HNF1B: variants seen among roughly 807,000 people sequenced by gnomAD.
The protein encoded by HNF1B is hepatocyte nuclear factor 1-beta.
Under a neutral mutation model 61.7 loss-of-function variants are expected in HNF1B, and 8 were observed. The observed-to-expected ratio is 0.13, with a 90% CI of 0.08 to 0.23. The LOEUF (loss-of-function observed/expected upper bound fraction) is 0.23, where lower values mean the gene tolerates loss of function less well. Among genes scored for constraint, HNF1B ranks in the 10% least tolerant of loss-of-function variants. The pLI, the probability that HNF1B is intolerant of heterozygous loss-of-function variation, is 1.00. For synonymous variants in HNF1B, 314 were observed against 287.7 expected, an observed-to-expected ratio of 1.09 and a Z score of -0.93; for missense variants, 562 against 714.5, an observed-to-expected ratio of 0.79 and a Z score of 2.43.
In HNF1B at chr17:37,687,070, C is replaced by G. The variant is rs544023807; in HGVS notation, c.*302G>C. 1 of 597,748 alleles carries G rather than the reference C, an allele frequency of 1.7e-6. No homozygotes were observed. Among genetic ancestry groups the G allele is most frequent in the Non-Finnish European group, 3.0e-6 (1 of 335,968 alleles). The allele number at this position is 597,748 out of a possible 1,614,324, so 37.0% of individuals were successfully genotyped here. Reference sequence around the variant, plus strand: ...GTTCGATGAAGGATCACAACATAGACAGTACGGCTTTCTTGCTTCCTCTTC... The same window carrying G: ...GTTCGATGAAGGATCACAACATAGAGAGTACGGCTTTCTTGCTTCCTCTTC... On this transcript the variant is annotated 3_prime_UTR_variant, in exon 9 of 9. Coordinates refer to ENST00000617811, the MANE Select transcript of HNF1B (RefSeq NM_000458.4).
intron 4 of HNF1B, among the ~76,000 whole-genome samples, chr17:37,715,214 A>G (rs1428654152): frequency 6.6e-6 from 1 of 151,982 alleles, no homozygotes; most frequent in Admixed American, 6.6e-5. Flanking sequence ...CGCTGATGAT[A>G]TGTTTACTTT....
intron 4 of HNF1B, among the ~76,000 whole-genome samples, chr17:37,710,910 T>C (rs2032914511): frequency 6.6e-6 from 1 of 152,250 alleles, no homozygotes; most frequent in Admixed American, 6.5e-5. Context: ...TTCACTGATG[T>C]ATCCCCAGTG....
intron 5 of HNF1B, 32 bp from the exon 6 acceptor site, chr17:37,705,081 G>A (rs1158398601): frequency 6.2e-7 from 1 of 1,603,084 alleles, no homozygotes. Flanking sequence ...GAGAAACATG[G>A]GTGGACTTGG....
chr17:37,702,774 C>T (rs1251239817), intron 6 of HNF1B, among the ~76,000 whole-genome samples: 2 of 152,196 alleles, frequency 1.3e-5, no homozygotes, highest in African/African-American at 4.8e-5. Context: ...CCACCCAAGA[C>T]CTAATGAGTC....
intron 4 of HNF1B, among the ~76,000 whole-genome samples, chr17:37,720,154 G>C (rs1305069432): frequency 6.6e-6 from 1 of 152,212 alleles, no homozygotes; most frequent in East Asian, 1.9e-4. Context: ...TTTTGTTTCT[G>C]TCTGTCCAGA....
chr17:37,738,145 CAG>C (rs1293879186), intron 2 of HNF1B, among the ~76,000 whole-genome samples: 1 of 152,204 alleles, frequency 6.6e-6, no homozygotes, highest in African/African-American at 2.4e-5. Flanking sequence ...CCAGGAACTA[CAG>C]AGAGTTGCTT....
chr17:37,744,137 G>A (rs2034089552), intron 1 of HNF1B, among the ~76,000 whole-genome samples: 2 of 152,228 alleles, frequency 1.3e-5, no homozygotes, highest in Admixed American at 1.3e-4. Context: ...CAGGGCGCAG[G>A]AAAAATGCGC....
In HNF1B at chr17:37,731,621, C is replaced by T; in HGVS notation, c.1019G>A (p.Ser340Asn). Residue 340 changes from serine (S) to asparagine (N), a missense_variant, in exon 4 of 9, where the codon AGC becomes AAC. This residue lies in a region of HNF1B where 211 missense variants were observed against 200.7 expected (regional missense o/e 1.05). Transcript: ENST00000617811. ...LSHGSPHHQPSSSPPNKLSGV... is the reference protein window; with the variant it reads ...LSHGSPHHQPNSSPPNKLSGV... ...TGACAGCTTGTTTGGAGGAGAGGAG[C>T]TGGGCTGGTGGTGGGGGGAGCCGTG... The T allele has an allele frequency of 1.2e-6, 2 of 1,613,466 alleles. No individual in the cohort carries two copies. The highest frequency in any genetic ancestry group is 1.1e-5 in the South Asian group (1 of 90,984).
intron 5 of HNF1B, among the ~76,000 whole-genome samples, chr17:37,706,695 A>AAT (rs2032761673): frequency 6.6e-6 from 1 of 150,854 alleles, no homozygotes; most frequent in South Asian, 2.1e-4. Flanking sequence ...AAAAAAAAAA[A>AAT]TCCGTAGCCT....
chr17:37,744,101 C>T (rs1157180109), intron 1 of HNF1B, among the ~76,000 whole-genome samples: 1 of 152,242 alleles, frequency 6.6e-6, no homozygotes, highest in Non-Finnish European at 1.5e-5. Flanking sequence ...TGTCCGAGGC[C>T]GACATGCGGC....
rs1411620437 is a variant in HNF1B, at chr17:37,734,347, C to T, written c.545-526G>A. Reference sequence around the variant, plus strand: ...AAAACCCCAAACCTTTTGGAACATGCTTTGAAATAAATATAACTGGAGCTT... The same window carrying T: ...AAAACCCCAAACCTTTTGGAACATGTTTTGAAATAAATATAACTGGAGCTT... On this transcript the variant is annotated intron_variant, in intron 2 of 8. Coordinates refer to ENST00000617811, the MANE Select transcript of HNF1B (RefSeq NM_000458.4). Among the ~76,000 whole-genome samples, 6 of 152,202 alleles carry T rather than the reference C, an allele frequency of 3.9e-5. No homozygotes were observed. The South Asian group carries it at 1.0e-3, about 26-fold the overall frequency.
At chr17:37,689,570 G>A (rs1383761693) in intron 8 of HNF1B, among the ~76,000 whole-genome samples, 2 of 152,244 alleles carry the variant, frequency 1.3e-5, no homozygotes, top group African/African-American at 4.8e-5. Context: ...ACAAACATCT[G>A]ATAAGGGGTG....
At position 37,686,928 on chromosome 17, in the gene HNF1B, T is replaced by G. The variant is rs2688; in HGVS notation, c.*444A>C. The G allele has an allele frequency of 0.41, 137,326 of 334,674 alleles. 28,935 individuals carry two copies. Among genetic ancestry groups the G allele is most frequent in the Admixed American group, 0.5 (11,747 of 23,686 alleles). The allele number at this position is 334,674 out of a possible 1,614,324, so 20.7% of individuals were successfully genotyped here. A position where few individuals can be genotyped will look rare whatever the true frequency, so the allele number is the denominator to read the frequency against. ...TCTTTAAAAGAAATCTCAAGATCAT[T>G]TGGGATGGGGGCAGGGGAGGGAGTC... is the stretch of plus-strand genomic sequence containing the variant. On this transcript the variant is annotated 3_prime_UTR_variant, in exon 9 of 9. Transcript: ENST00000617811.
chr17:37,726,623 G>T (rs1010422702), intron 4 of HNF1B, among the ~76,000 whole-genome samples: 1 of 152,190 alleles, frequency 6.6e-6, no homozygotes, highest in Non-Finnish European at 1.5e-5. Context: ...CAGGTAACCT[G>T]GGAGGGGCTG....
chr17:37,740,853 A>G (rs1369150620), intron 1 of HNF1B, among the ~76,000 whole-genome samples: 1 of 152,196 alleles, frequency 6.6e-6, no homozygotes. Context: ...TTTGAATTTT[A>G]TTTGTCTAGA....
intron 4 of HNF1B, among the ~76,000 whole-genome samples, chr17:37,715,375 G>A (rs1023215323): frequency 1.3e-5 from 2 of 152,188 alleles, no homozygotes; most frequent in African/African-American, 4.8e-5. Context: ...ATCACGTCTA[G>A]CAGAAGTAGA....
At chr17:37,714,250 C>T (rs1462202852) in intron 4 of HNF1B, among the ~76,000 whole-genome samples, 2 of 152,230 alleles carry the variant, frequency 1.3e-5, no homozygotes, top group African/African-American at 4.8e-5. Flanking sequence ...TTGGCACTGT[C>T]CTTGTTTAAA....
chr17:37,733,517 T>C (rs762808657), intron 3 of HNF1B, 40 bp downstream of exon 3: 4 of 1,613,238 alleles, frequency 2.5e-6, no homozygotes, highest in Non-Finnish European at 3.4e-6. Context: ...TGGGTCTGTG[T>C]ACTTGCCCAC....
At chr17:37,715,158 T>C (rs946177716) in intron 4 of HNF1B, among the ~76,000 whole-genome samples, 6 of 152,124 alleles carry the variant, frequency 3.9e-5, no homozygotes, top group Non-Finnish European at 8.8e-5. Flanking sequence ...GTATTTTACA[T>C]GCACTAGACA....
Sources: gnomAD v4.1 joint callset for allele counts (sites outside exome capture counted in the v4.1 genomes callset) on GRCh38, gnomAD v4.1.1 for gene constraint, gnomAD v4.1.1 regional missense constraint, MANE v1.5 for transcripts, NCBI Gene and HGNC (gene_info 2026-07-23, HGNC 2026-07-21) for gene names.